TMEM53: variants seen among roughly 807,000 people sequenced by gnomAD.
The protein encoded by TMEM53 is novel DUF829 domain-containing protein.
A neutral mutation model predicts 21.4 loss-of-function variants in TMEM53; 14 were observed. The observed-to-expected ratio is 0.65, with a 90% CI of 0.43 to 1.02. TMEM53 has a LOEUF of 1.02. TMEM53 is among the 50% of genes least tolerant of loss of function. The pLI is 0.00. For synonymous variants in TMEM53, 148 were observed against 157.4 expected (o/e 0.94, Z 0.45); for missense variants, 323 against 383.6 (o/e 0.84, Z 1.32).
rs1645061811 is a variant in TMEM53 at position 44,674,351 on chromosome 1, T to C, written c.41A>G (p.Asp14Gly). 6.2e-7 allele frequency: 1 copy of C among 1,612,954 alleles called. No individual in the cohort carries two copies. The highest frequency in any genetic ancestry group is 1.1e-5 in the South Asian group (1 of 91,032). ...AELDYTIEIPDQPCWSQKNSP... is the reference protein window; with the variant it reads ...AELDYTIEIPGQPCWSQKNSP... ...CATACTCTGGCTCCAGCAGGGCTGA[T>C]CCGGGATCTCGATGGTGTAGTCCAG... The change falls in exon 1 of 3, where the codon GAT becomes GGT. Residue 14 changes from aspartate (D) to glycine (G), a missense_variant. Around this residue, in one of 3 missense-constraint regions of TMEM53, gnomAD observed 49 missense variants for 32.9 expected, o/e 1.49. Transcript: ENST00000372237.
intron 1 of TMEM53, among the ~76,000 whole-genome samples, chr1:44,667,693 A>AT (rs1415972044): frequency 2.0e-5 from 3 of 151,938 alleles, no homozygotes; most frequent in South Asian, 4.2e-4. Context: ...CTTTTTCATG[A>AT]TTTTTTTCCC....
At chr1:44,662,081 G>T (rs527723316) in intron 1 of TMEM53, among the ~76,000 whole-genome samples, 1 of 152,360 alleles carries the variant, frequency 6.6e-6, no homozygotes, top group South Asian at 2.1e-4. Context: ...AAATTTCAAG[G>T]CTAGTTAAGA....
At position 44,655,346 on chromosome 1, in the gene TMEM53, T is replaced by C. The variant is rs59257919; in HGVS notation, c.184-137A>G. ...ACAGCGTCAGCAATGCTCTGGGTCC[T>C]GCTTCAGCCTGAGCCCACCAGCCCG... On this transcript the variant is annotated intron_variant, in intron 2 of 2. Coordinates refer to ENST00000372237, the MANE Select transcript of TMEM53 (RefSeq NM_024587.4). This position sits in a 1 kb window ranked among gnomAD's most constrained non-coding sequence, Gnocchi z 4.4. 0.15 allele frequency: 126,958 copies of C among 869,086 alleles called. 15,322 individuals are homozygous for C. The highest frequency in any genetic ancestry group is 0.63 in the East Asian group (22,717 of 35,786). The allele number at this position is 869,086 out of a possible 1,614,324, so 53.8% of individuals were successfully genotyped here.
intron 2 of TMEM53, among the ~76,000 whole-genome samples, chr1:44,656,931 G>A (rs1042442032): frequency 6.6e-5 from 10 of 151,908 alleles, no homozygotes; most frequent in South Asian, 2.1e-4. Flanking sequence ...AGAATTGCTT[G>A]AACCCAGGAG....
chr1:44,669,021 G>T (rs1644975984), intron 1 of TMEM53, among the ~76,000 whole-genome samples: 1 of 152,080 alleles, frequency 6.6e-6, no homozygotes. Context: ...TCTGTGAAAT[G>T]GGGACAATGA....
chr1:44,660,267 C>T lies in TMEM53; in HGVS notation c.90G>A (p.Glu30=). 6.2e-7 allele frequency: 1 copy of T among 1,614,000 alleles called. No individual in the cohort carries two copies. The highest frequency in any genetic ancestry group is 1.1e-5 in the South Asian group (1 of 91,074). Residue 30 remains glutamate, a synonymous_variant, in exon 2 of 3, where the codon GAG becomes GAA. Transcript: ENST00000372237. ...TCACCACAGGCTGCCGAGTTTCTGC[C>T]TCCTTCCCACCTGGGCTGGGGCTGT... ...QKNSPSPGGK[E]AETRQPVVIL...
chr1:44,671,037 C>T (rs1222585933), intron 1 of TMEM53, among the ~76,000 whole-genome samples: 1 of 152,224 alleles, frequency 6.6e-6, no homozygotes, highest in African/African-American at 2.4e-5. Flanking sequence ...CTTGGTACAT[C>T]ATCCCTCCCA....
chr1:44,659,870 T>C (rs1314107363), intron 2 of TMEM53, among the ~76,000 whole-genome samples: 1 of 149,382 alleles, frequency 6.7e-6, no homozygotes, highest in Non-Finnish European at 1.5e-5. Context: ...TTTTTTTTTT[T>C]TTTTTTTGAG....
At chr1:44,669,500 C>CT (rs762258925) in intron 1 of TMEM53, among the ~76,000 whole-genome samples, 18 of 152,308 alleles carry the variant, frequency 1.2e-4, no homozygotes, top group Non-Finnish European at 1.9e-4. Flanking sequence ...GAGTAAGGCT[C>CT]TTAAGCTGAA....
intron 1 of TMEM53, among the ~76,000 whole-genome samples, chr1:44,672,231 G>A (rs754714233): frequency 1.3e-4 from 20 of 152,260 alleles, no homozygotes; most frequent in Non-Finnish European, 2.4e-4. Context: ...ATAAGGAGGA[G>A]AAACAACTGA....
intron 1 of TMEM53, among the ~76,000 whole-genome samples, chr1:44,670,946 G>A (rs1644994721): frequency 6.6e-6 from 1 of 152,232 alleles, no homozygotes; most frequent in African/African-American, 2.4e-5. Flanking sequence ...ATGGGAGGAG[G>A]GGTGGCACGG....
chr1:44,654,605 TAGTA>T lies in TMEM53; in HGVS notation c.784_787del (p.Tyr262ThrfsTer116), dbSNP rs2148527583. On this transcript the variant is annotated frameshift_variant, in exon 3 of 3. Coordinates refer to ENST00000372237, the MANE Select transcript of TMEM53 (RefSeq NM_024587.4). LOFTEE classifies it high-confidence loss of function. The surrounding 1 kb of genome is among the most constrained non-coding windows in gnomAD (Gnocchi z 7.0). ...CATGAAGTCGACACAGAGGCTTGTG[TAGTA>T]AGTAGGGTAGTCACGGAGGTGGCTG... The T allele has an allele frequency of 1.2e-6, 2 of 1,612,706 alleles. No individual in the cohort carries two copies. The highest frequency in any genetic ancestry group is 1.7e-6 in the Non-Finnish European group (2 of 1,179,228).
chr1:44,663,071 G>A (rs1405819244), intron 1 of TMEM53, among the ~76,000 whole-genome samples: 1 of 152,110 alleles, frequency 6.6e-6, no homozygotes, highest in East Asian at 1.9e-4. Context: ...TTTATTTTTG[G>A]AGATAGGGTC....
In TMEM53 at chr1:44,655,742, T is replaced by C. The variant is rs1228949540; in HGVS notation, c.184-533A>G. Among the ~76,000 whole-genome samples the C allele has an allele frequency of 6.6e-6, 1 of 152,158 alleles. No homozygotes were observed. The highest frequency in any genetic ancestry group is 2.4e-5 in the African/African-American group (1 of 41,448). On this transcript the variant is annotated intron_variant, in intron 2 of 2. Transcript: ENST00000372237. This position sits in a 1 kb window ranked among gnomAD's most constrained non-coding sequence, Gnocchi z 4.4. The stretch of plus-strand genomic sequence containing the variant: ...AGCCCTGACCACCAGAGGCCACTTC[T>C]GAGCCAGGCCCACATCACTTTCATC...
rs780165724 is a variant in TMEM53 at position 44,654,939 on chromosome 1, C to T, written c.454G>A (p.Val152Ile). Reference protein sequence around the residue: ...FDSAPGDSNLVGALRALAAIL... With the variant: ...FDSAPGDSNLIGALRALAAIL... ...GCTGCCAGGGCCCGCAGAGCCCCTA[C>T]CAGGTTGCTGTCACCAGGAGCGCTG... The change falls in exon 3 of 3, where the codon GTA (valine) becomes ATA (isoleucine). Residue 152 changes from valine (V) to isoleucine (I), a missense_variant. Physicochemically the swap from Val to Ile is conservative, Grantham distance 29. Around this residue, in one of 3 missense-constraint regions of TMEM53, gnomAD observed 269 missense variants for 334.5 expected, o/e 0.80. Transcript: ENST00000372237. This position sits in a 1 kb window ranked among gnomAD's most constrained non-coding sequence, Gnocchi z 7.0. 6.8e-6 allele frequency: 11 copies of T among 1,613,652 alleles called. No individual in the cohort carries two copies. The African/African-American group carries it at 9.3e-5, about 14-fold the overall frequency.
In TMEM53 at chr1:44,673,296, T is replaced by C. The variant is rs964670687; in HGVS notation, c.61+1035A>G. Reference sequence around the variant, plus strand: ...CGGGAGGGATCTGGGAAGGCTCTCCTTAAGGAGGTAAGTTTTATGGAGAGC... The same window carrying C: ...CGGGAGGGATCTGGGAAGGCTCTCCCTAAGGAGGTAAGTTTTATGGAGAGC... On this transcript the variant is annotated intron_variant, in intron 1 of 2. Coordinates refer to ENST00000372237, the MANE Select transcript of TMEM53 (RefSeq NM_024587.4). Among the ~76,000 whole-genome samples, 30 of 152,286 alleles carry C rather than the reference T, an allele frequency of 2.0e-4. 1 individual carries two copies. Among genetic ancestry groups the C allele is most frequent in the African/African-American group, 6.5e-4 (27 of 41,558 alleles).
chr1:44,659,279 C>A (rs1249377652), intron 2 of TMEM53, among the ~76,000 whole-genome samples: 1 of 152,192 alleles, frequency 6.6e-6, no homozygotes, highest in Non-Finnish European at 1.5e-5. Flanking sequence ...AGGTGCCCCC[C>A]CACTGCTCAG....
intron 1 of TMEM53, among the ~76,000 whole-genome samples, chr1:44,671,724 T>C (rs548149649): frequency 9.9e-5 from 15 of 151,368 alleles, no homozygotes; most frequent in Admixed American, 9.9e-4. Flanking sequence ...AGGTCAGGAG[T>C]TCAAGACCAG....
chr1:44,674,463 C>A lies in TMEM53; in HGVS notation c.-72G>T. ...CTTGCGCACCCGTGCCTCACCCGGGCGCCTCCTGGGCGCCGCCCAATCACC... is the reference window on the plus strand; with the variant it reads ...CTTGCGCACCCGTGCCTCACCCGGGAGCCTCCTGGGCGCCGCCCAATCACC... On this transcript the variant is annotated 5_prime_UTR_variant, in exon 1 of 3. Transcript: ENST00000372237. 1 of 1,505,456 alleles carries A rather than the reference C, an allele frequency of 6.6e-7. No individual in the cohort carries two copies. The highest frequency in any genetic ancestry group is 1.2e-5 in the South Asian group (1 of 80,920). 93.3% of individuals were successfully genotyped at this position (1,505,456 alleles called of 1,614,324 possible).
Sources: allele counts gnomAD v4.1 joint callset (sites outside exome capture counted in the v4.1 genomes callset), GRCh38; gene constraint gnomAD v4.1.1; regional missense constraint gnomAD v4.1.1; non-coding constraint Gnocchi (gnomAD v3.1); transcripts MANE v1.5; gene names NCBI Gene and HGNC (gene_info 2026-07-23, HGNC 2026-07-21).